The following SLMAP variants were observed in gnomAD, a reference collection of about 807,000 sequenced individuals.
SLMAP encodes the protein sarcolemma associated protein.
In SLMAP, 44 loss-of-function variants were observed where a neutral mutation model predicts 128.8. The observed-to-expected ratio is 0.34, with a 90% CI of 0.27 to 0.44. The LOEUF is 0.44. Among genes scored for constraint, SLMAP ranks in the 20% least tolerant of loss-of-function variants. SLMAP has a pLI of 1.00. For synonymous variants in SLMAP, 327 were observed against 348.8 expected, an observed-to-expected ratio of 0.94 and a Z score of 0.70; for missense variants, 787 against 985.3, an observed-to-expected ratio of 0.80 and a Z score of 2.69.
chr3:57,775,502 G>A (rs2081681056), intron 2 of SLMAP, among the ~76,000 whole-genome samples: 1 of 93,790 alleles, frequency 1.1e-5, no homozygotes, highest in Admixed American at 1.5e-4. Context: ...GTGAAACCCT[G>A]TTGGTACAAA....
At chr3:57,807,304 C>G (rs1326226767) in intron 2 of SLMAP, among the ~76,000 whole-genome samples, 1 of 152,142 alleles carries the variant, frequency 6.6e-6, no homozygotes, top group East Asian at 1.9e-4. Flanking sequence ...TTCTCCCATT[C>G]TGTAGGTTGC....
At chr3:57,802,107 G>A (rs2088613226) in intron 2 of SLMAP, among the ~76,000 whole-genome samples, 1 of 151,984 alleles carries the variant, frequency 6.6e-6, no homozygotes. Context: ...TATTATAAAT[G>A]TAAGTCAAGT....
chr3:57,838,157 C>CT lies in SLMAP; in HGVS notation c.347-3136dup, dbSNP rs142615597. On this transcript the variant is annotated intron_variant, in intron 3 of 24. Coordinates refer to ENST00000671191, the MANE Select transcript of SLMAP (RefSeq NM_001377540.1). ...TCTATAACTTGTTCTACCTATTTTT[C>CT]TTTTTTAAAAAAACAACTTTCTACC... Among the ~76,000 whole-genome samples, 1,043 of 152,122 alleles carry CT rather than the reference C, an allele frequency of 6.9e-3. 13 individuals carry two copies. Among genetic ancestry groups the CT allele is most frequent in the African/African-American group, 0.023 (974 of 41,528 alleles).
intron 2 of SLMAP, among the ~76,000 whole-genome samples, chr3:57,823,382 T>G (rs1321008212): frequency 2.6e-5 from 4 of 151,154 alleles, no homozygotes; most frequent in African/African-American, 9.9e-5. Context: ...CCCACCACCC[T>G]ACAACAGTCC....
rs751199292 is a variant in SLMAP, at chr3:57,858,108, A to G, written c.636A>G (p.Arg212=). The part of the protein sequence containing the change: ...TSWQALIDED[R]LLSRLEVMGN... ...AATAGGCTTTAATAGATGAAGATAG[A>G]CTCTTATCACGGTTAGAAGTTATGG... Residue 212 remains arginine, a synonymous_variant, in exon 8 of 25, where the codon AGA becomes AGG. Transcript: ENST00000671191. 6.3e-7 allele frequency: 1 copy of G among 1,596,056 alleles called. No individual in the cohort carries two copies. Among genetic ancestry groups the G allele is most frequent in the African/African-American group, 1.3e-5 (1 of 74,548 alleles).
chr3:57,796,644 G>T (rs949927517), intron 2 of SLMAP, among the ~76,000 whole-genome samples: 2 of 152,134 alleles, frequency 1.3e-5, no homozygotes, highest in Non-Finnish European at 2.9e-5. Flanking sequence ...CATTTCTAGA[G>T]ACCTAATCTA....
intron 2 of SLMAP, among the ~76,000 whole-genome samples, chr3:57,828,474 A>G (rs2093083233): frequency 6.6e-6 from 1 of 152,216 alleles, no homozygotes; most frequent in South Asian, 2.1e-4. Flanking sequence ...GTAGCTGTAT[A>G]CAAGTACAGA....
chr3:57,796,325 T>G (rs1020921357), intron 2 of SLMAP, among the ~76,000 whole-genome samples: 1 of 152,212 alleles, frequency 6.6e-6, no homozygotes, highest in Admixed American at 6.5e-5. Flanking sequence ...GTAATAAACT[T>G]CCAGGAGACT....
intron 2 of SLMAP, among the ~76,000 whole-genome samples, chr3:57,793,610 A>G (rs902042410): frequency 3.3e-5 from 5 of 152,216 alleles, no homozygotes; most frequent in South Asian, 4.1e-4. Context: ...TGTAATAGCA[A>G]TACTTTCATA....
rs143105842 is a variant in SLMAP, at chr3:57,759,489, C to T, written c.198+1640C>T. The stretch of plus-strand genomic sequence containing the variant: ...ACAGGGTTTCACCATGTTGGCCAGG[C>T]GGTCTTGAACTCCTGACCTCAGTTG... On this transcript the variant is annotated intron_variant, in intron 2 of 24. Coordinates refer to ENST00000671191, the MANE Select transcript of SLMAP (RefSeq NM_001377540.1). 1.3e-3 allele frequency among the ~76,000 whole-genome samples: 200 copies of T among 152,190 alleles called. 1 individual carries two copies. Among genetic ancestry groups the T allele is most frequent in the African/African-American group, 4.6e-3 (191 of 41,522 alleles).
intron 14 of SLMAP, among the ~76,000 whole-genome samples, chr3:57,877,340 T>G (rs1359961689): frequency 6.6e-6 from 1 of 152,214 alleles, no homozygotes; most frequent in East Asian, 1.9e-4. Flanking sequence ...ATGTTTATTT[T>G]TCATCACTCT....
chr3:57,803,157 C>G (rs2088977644), intron 2 of SLMAP, among the ~76,000 whole-genome samples: 1 of 151,956 alleles, frequency 6.6e-6, no homozygotes, highest in Non-Finnish European at 1.5e-5. Context: ...ACATTGAAAA[C>G]TTTGATTCCA....
chr3:57,792,969 T>C lies in SLMAP; in HGVS notation c.198+35120T>C, dbSNP rs374490776. ...CTGGGCAACATGGCAAAACCCCATC[T>C]CTACCAAAAAATTGCAAAAATCAGC... On this transcript the variant is annotated intron_variant, in intron 2 of 24. Coordinates refer to ENST00000671191, the MANE Select transcript of SLMAP (RefSeq NM_001377540.1). 3.3e-5 allele frequency among the ~76,000 whole-genome samples: 5 copies of C among 152,052 alleles called. No individual in the cohort carries two copies. The East Asian group carries it at 5.8e-4, about 18-fold the overall frequency.
In SLMAP at chr3:57,781,023, TAC is replaced by T. The variant is rs1183982643; in HGVS notation, c.198+23182_198+23183del. Among the ~76,000 whole-genome samples the T allele has an allele frequency of 4.6e-5, 7 of 151,738 alleles. 1 individual carries two copies. The South Asian group carries it at 1.0e-3, about 23-fold the overall frequency. ...ATGCACATATATATATACATATATA[TAC>T]ACACACATATATATGCGCATATATA... On this transcript the variant is annotated intron_variant, in intron 2 of 24. Transcript: ENST00000671191.
intron 2 of SLMAP, among the ~76,000 whole-genome samples, chr3:57,813,558 G>T (rs2091375576): frequency 6.6e-6 from 1 of 152,064 alleles, no homozygotes; most frequent in Non-Finnish European, 1.5e-5. Context: ...AAAAAAGGAT[G>T]GTTGCGCCTG....
chr3:57,906,677 ATAT>A (rs1559516013), intron 17 of SLMAP, among the ~76,000 whole-genome samples: 1,052 of 80,832 alleles, frequency 0.013, 17 homozygotes, highest in South Asian at 0.048. Context: ...AAAAAAAAAT[ATAT>A]ATATATATAT....
In SLMAP at chr3:57,897,020, T is replaced by C. The variant is rs767695406; in HGVS notation, c.1501+88T>C. The C allele has an allele frequency of 1.4e-5, 22 of 1,573,626 alleles. No individual in the cohort carries two copies. The Admixed American group carries it at 3.2e-4, about 23-fold the overall frequency. ...TCTGTTCTAGATATTATGTGAAGTT[T>C]TAATTTTTAGTTAAGAGATTAAGAT... is the stretch of plus-strand genomic sequence containing the variant. On this transcript the variant is annotated intron_variant, in intron 17 of 24. Coordinates refer to ENST00000671191, the MANE Select transcript of SLMAP (RefSeq NM_001377540.1).
chr3:57,828,495 G>A (rs1485176089), intron 2 of SLMAP, among the ~76,000 whole-genome samples: 2 of 152,160 alleles, frequency 1.3e-5, no homozygotes, highest in Admixed American at 1.3e-4. Flanking sequence ...GGGTTAGGGG[G>A]ATGAATAGAA....
chr3:57,798,505 A>G (rs1024229642), intron 2 of SLMAP, among the ~76,000 whole-genome samples: 1 of 152,120 alleles, frequency 6.6e-6, no homozygotes, highest in Non-Finnish European at 1.5e-5. Context: ...ATTTTTCCTC[A>G]ACTGATGTTT....
Sources: gnomAD v4.1 joint callset for allele counts (sites outside exome capture counted in the v4.1 genomes callset) on GRCh38, gnomAD v4.1.1 for gene constraint, MANE v1.5 for transcripts, NCBI Gene and HGNC (gene_info 2026-07-23, HGNC 2026-07-21) for gene names.